The following DZANK1 variants were observed in gnomAD, a reference collection of about 807,000 sequenced individuals.
DZANK1 encodes the protein double zinc ribbon and ankyrin repeat domains 1, also known as double zinc ribbon and ankyrin repeat-containing protein 1.
DZANK1 carries 91 observed loss-of-function variants against 94.5 expected under a neutral mutation model. That is an observed-to-expected ratio of 0.96 (90% CI 0.81 to 1.15). DZANK1 has a LOEUF of 1.15. Among genes scored for constraint, DZANK1 ranks in the 50% most tolerant of loss-of-function variants. The pLI, the probability that DZANK1 is intolerant of heterozygous loss-of-function variation, is 0.00. For missense variants in DZANK1, 903 were observed against 916.4 expected (o/e 0.99, Z 0.19); for synonymous variants, 312 against 325.3 (o/e 0.96, Z 0.44).
At chr20:18,386,597 T>C (rs1026302167) in intron 19 of DZANK1, among the ~76,000 whole-genome samples, 1 of 151,882 alleles carries the variant, frequency 6.6e-6, no homozygotes, top group African/African-American at 2.4e-5. Context: ...GGAAAATCTC[T>C]CGAAAGATAG....
At position 18,394,540 on chromosome 20, in the gene DZANK1, C is replaced by T. The variant is rs1302131386; in HGVS notation, c.1612-190G>A. On this transcript the variant is annotated intron_variant, in intron 15 of 20. Transcript: ENST00000262547. Reference sequence around the variant, plus strand: ...CCAGCATGCTTTGTCCGTTCTGCCCCTTACCCGCGGCTCAGTCTGGCCCCT... The same window carrying T: ...CCAGCATGCTTTGTCCGTTCTGCCCTTTACCCGCGGCTCAGTCTGGCCCCT... 5.7e-6 allele frequency: 4 copies of T among 699,748 alleles called. No individual in the cohort carries two copies. The East Asian group carries it at 8.3e-5, about 15-fold the overall frequency. 43.3% of individuals were successfully genotyped at this position (699,748 alleles called of 1,614,324 possible). A position where few individuals can be genotyped will look rare whatever the true frequency, so the allele number is the denominator to read the frequency against.
At chr20:18,422,235 A>T (rs2057816415) in intron 10 of DZANK1, among the ~76,000 whole-genome samples, 2 of 152,194 alleles carry the variant, frequency 1.3e-5, no homozygotes, top group African/African-American at 4.8e-5. Flanking sequence ...TGAGATAAGG[A>T]TCTAATTTCA....
intron 9 of DZANK1, among the ~76,000 whole-genome samples, chr20:18,431,322 A>T (rs1051320309): frequency 1.3e-5 from 2 of 152,180 alleles, no homozygotes; most frequent in Non-Finnish European, 2.9e-5. Context: ...ATCTGTCTTC[A>T]TCATAGAAGG....
At chr20:18,414,495 G>A (rs766739562) in exon 12 of DZANK1, 2 of 1,610,876 alleles carry the variant, frequency 1.2e-6, no homozygotes, top group South Asian at 2.2e-5. Context: ...AAACAGAACA[G>A]CCAGCAGGAA....
intron 15 of DZANK1, among the ~76,000 whole-genome samples, chr20:18,395,510 G>A (rs927878462): frequency 2.0e-5 from 3 of 152,210 alleles, no homozygotes; most frequent in Admixed American, 6.5e-5. Flanking sequence ...CACCCCAGCT[G>A]TTGTGTAGCT....
chr20:18,394,520 A>G, intron 15 of DZANK1, 170 bp from the exon 16 acceptor site: 1 of 732,352 alleles, frequency 1.4e-6, no homozygotes, highest in Non-Finnish European at 2.4e-6. Context: ...CCTCCCCAGC[A>G]TGCTTTGTCC....
At chr20:18,449,934 A>C (rs1337785497) in intron 6 of DZANK1, among the ~76,000 whole-genome samples, 1 of 138,492 alleles carries the variant, frequency 7.2e-6, no homozygotes, top group Admixed American at 7.2e-5. Context: ...CAAAATTAGC[A>C]GGGTGTGGTG....
chr20:18,398,984 T>C (rs1198031219), intron 13 of DZANK1, among the ~76,000 whole-genome samples: 3 of 151,630 alleles, frequency 2.0e-5, no homozygotes, highest in Non-Finnish European at 4.4e-5. Flanking sequence ...ATATAAAAAT[T>C]AGCCGAGCAT....
At chr20:18,458,494 A>C in intron 3 of DZANK1, among the ~76,000 whole-genome samples, 1 of 152,240 alleles carries the variant, frequency 6.6e-6, no homozygotes, top group East Asian at 1.9e-4. Context: ...ATCTTCAAGA[A>C]AGTTAGCTTA....
At chr20:18,445,551 T>C (rs986520586) in intron 7 of DZANK1, among the ~76,000 whole-genome samples, 4 of 152,190 alleles carry the variant, frequency 2.6e-5, no homozygotes, top group Admixed American at 6.5e-5. Flanking sequence ...AAAGTGTACA[T>C]AGAACATTTA....
intron 14 of DZANK1, 145 bp from the exon 15 acceptor site, chr20:18,396,691 G>T (rs986496195): frequency 3.6e-6 from 2 of 563,366 alleles, no homozygotes; most frequent in East Asian, 3.1e-5. Flanking sequence ...AAGAAAAACA[G>T]AGCAACAAAA....
intron 13 of DZANK1, among the ~76,000 whole-genome samples, chr20:18,409,551 T>TACACACACACAC (rs71194238): frequency 2.7e-4 from 38 of 142,628 alleles, no homozygotes; most frequent in Middle Eastern, 3.6e-3. Context: ...GTAATATGAA[T>TACACACACACAC]ACACACACAC....
intron 7 of DZANK1, among the ~76,000 whole-genome samples, chr20:18,446,079 GA>G (rs200900897): frequency 2.1e-5 from 3 of 143,222 alleles, no homozygotes; most frequent in Non-Finnish European, 4.6e-5. Flanking sequence ...AAAAAAAAAA[GA>G]AAAAAAGTTT....
chr20:18,460,126 A>C (rs2059423487), intron 3 of DZANK1, 27 bp downstream of exon 3: 2 of 1,388,774 alleles, frequency 1.4e-6, no homozygotes, highest in Non-Finnish European at 1.9e-6. Flanking sequence ...ATCATAAATT[A>C]AATTAATCAC....
intron 17 of DZANK1, among the ~76,000 whole-genome samples, chr20:18,393,173 C>T (rs1475098170): frequency 6.6e-6 from 1 of 152,184 alleles, no homozygotes; most frequent in Non-Finnish European, 1.5e-5. Flanking sequence ...AAAAAAGCTT[C>T]ATCCCAAGCT....
chr20:18,407,059 G>GT (rs778894192), intron 13 of DZANK1, among the ~76,000 whole-genome samples: 9 of 152,302 alleles, frequency 5.9e-5, no homozygotes, highest in East Asian at 1.9e-4. Context: ...AAATAATTAT[G>GT]TTTTTTTACT....
intron 15 of DZANK1, among the ~76,000 whole-genome samples, chr20:18,395,541 C>T (rs2056292445): frequency 6.6e-6 from 1 of 152,130 alleles, no homozygotes; most frequent in South Asian, 2.1e-4. Flanking sequence ...TACTGCTGGA[C>T]CTCCTTCCCC....
At chr20:18,460,389 T>A in intron 2 of DZANK1, 83 bp from the exon 3 acceptor site, 1 of 995,908 alleles carries the variant, frequency 1.0e-6, no homozygotes, top group Non-Finnish European at 1.4e-6. Context: ...GTTTAAGATC[T>A]AAGTGTGTGA....
At chr20:18,455,769 C>T (rs1268920103) in intron 3 of DZANK1, among the ~76,000 whole-genome samples, 2 of 152,130 alleles carry the variant, frequency 1.3e-5, no homozygotes, top group Non-Finnish European at 2.9e-5. Flanking sequence ...GGGCTCGCCA[C>T]TCATCACTCT....
Sources: gnomAD v4.1 joint callset for allele counts (sites outside exome capture counted in the v4.1 genomes callset) on GRCh38, gnomAD v4.1.1 for gene constraint, MANE v1.5 for transcripts, NCBI Gene and HGNC (gene_info 2026-07-23, HGNC 2026-07-21) for gene names.